The following ESRRG variants were observed in gnomAD, a reference collection of about 807,000 sequenced individuals.
The protein encoded by ESRRG is estrogen related receptor gamma.
In ESRRG, 13 loss-of-function variants were observed where a neutral mutation model predicts 44.0. That is an observed-to-expected ratio of 0.30 (90% CI 0.19 to 0.47). The LOEUF is 0.47. ESRRG is among the 20% of genes least tolerant of loss of function. ESRRG has a pLI of 1.00. For synonymous variants in ESRRG, 215 were observed against 214.6 expected (o/e 1.00, Z -0.02); for missense variants, 395 against 580.6 (o/e 0.68, Z 3.29).
intron 1 of ESRRG, among the ~76,000 whole-genome samples, chr1:217,122,017 C>G (rs897560906): frequency 6.6e-6 from 1 of 152,156 alleles, no homozygotes; most frequent in African/African-American, 2.4e-5. Flanking sequence ...GTTAGGTTAA[C>G]TATGCAAATG....
chr1:216,734,562 T>A (rs935299753), intron 2 of ESRRG, among the ~76,000 whole-genome samples: 5 of 152,178 alleles, frequency 3.3e-5, no homozygotes, highest in Admixed American at 1.3e-4. Flanking sequence ...CCGCCATGAT[T>A]ATAAGCTTCC....
At chr1:216,736,833 C>G (rs749990127) in intron 2 of ESRRG, among the ~76,000 whole-genome samples, 2 of 152,110 alleles carry the variant, frequency 1.3e-5, no homozygotes, top group Non-Finnish European at 2.9e-5. Flanking sequence ...TTAACAAGCT[C>G]TCCAGGTCAT....
intron 5 of ESRRG, among the ~76,000 whole-genome samples, chr1:216,526,430 A>G (rs1323257276): frequency 1.3e-5 from 2 of 152,064 alleles, no homozygotes; most frequent in Non-Finnish European, 2.9e-5. Flanking sequence ...GGAGAATACT[A>G]CCTACAAGCC....
intron 1 of ESRRG, among the ~76,000 whole-genome samples, chr1:217,051,958 A>G (rs2086133565): frequency 6.6e-6 from 1 of 151,396 alleles, no homozygotes; most frequent in South Asian, 2.1e-4. Context: ...TATTTTAGAG[A>G]CAGGGTCTTG....
At chr1:216,738,556 G>A (rs1273292046) in intron 2 of ESRRG, among the ~76,000 whole-genome samples, 1 of 152,044 alleles carries the variant, frequency 6.6e-6, no homozygotes, top group Non-Finnish European at 1.5e-5. Flanking sequence ...ATATTCTTAT[G>A]TATTGTTTAG....
At chr1:216,701,253 T>C (rs1312786263) in intron 1 of ESRRG, among the ~76,000 whole-genome samples, 1 of 152,170 alleles carries the variant, frequency 6.6e-6, no homozygotes, top group Non-Finnish European at 1.5e-5. Context: ...TCTCTGGCTT[T>C]CAAACTCATA....
At chr1:216,954,886 G>A (rs953329097) in intron 1 of ESRRG, among the ~76,000 whole-genome samples, 1 of 152,080 alleles carries the variant, frequency 6.6e-6, no homozygotes, top group Non-Finnish European at 1.5e-5. Flanking sequence ...ACAGCATATG[G>A]AGTTGGGTTT....
At chr1:216,644,104 C>G (rs1012860621) in intron 3 of ESRRG, among the ~76,000 whole-genome samples, 1 of 152,152 alleles carries the variant, frequency 6.6e-6, no homozygotes, top group Non-Finnish European at 1.5e-5. Flanking sequence ...ACTCTCTGAC[C>G]TTGGGTTCCT....
intron 1 of ESRRG, among the ~76,000 whole-genome samples, chr1:217,076,484 C>G (rs1251507868): frequency 6.6e-6 from 1 of 152,180 alleles, no homozygotes; most frequent in Non-Finnish European, 1.5e-5. Flanking sequence ...GAAACCACCT[C>G]TACCAGAGAA....
intron 2 of ESRRG, among the ~76,000 whole-genome samples, chr1:216,790,834 T>C (rs1182028025): frequency 6.6e-6 from 1 of 152,120 alleles, no homozygotes; most frequent in Non-Finnish European, 1.5e-5. Flanking sequence ...GAGACATTGT[T>C]GTATAGAGGT....
At chr1:216,883,317 G>A (rs530545580) in intron 2 of ESRRG, among the ~76,000 whole-genome samples, 71 of 150,256 alleles carry the variant, frequency 4.7e-4, no homozygotes, top group Non-Finnish European at 8.1e-4. Context: ...CCTGGGAGGC[G>A]GAGGTTGCAG....
chr1:216,592,581 A>G lies in ESRRG; in HGVS notation c.590-24483T>C, dbSNP rs113552090. On this transcript the variant is annotated intron_variant, in intron 3 of 6. Coordinates refer to ENST00000408911, the MANE Select transcript of ESRRG (RefSeq NM_001438.4). ...AGTGGTACGATCTTGGCTCACTGCA[A>G]CCTCCACCTCCCAGGTTCAAGCGAT... 5.4e-3 allele frequency among the ~76,000 whole-genome samples: 824 copies of G among 151,798 alleles called. 6 individuals are homozygous for G. The highest frequency in any genetic ancestry group is 0.019 in the African/African-American group (784 of 41,366).
At chr1:217,090,989 T>G (rs1406006553), upstream of ESRRG, among the ~76,000 whole-genome samples, 1 of 152,196 alleles carries the variant, frequency 6.6e-6, no homozygotes, top group East Asian at 1.9e-4. Context: ...ATTACTTCTT[T>G]TTCTAATATT....
At chr1:217,039,156 A>T (rs1344652493) in intron 1 of ESRRG, among the ~76,000 whole-genome samples, 1 of 152,098 alleles carries the variant, frequency 6.6e-6, no homozygotes, top group Non-Finnish European at 1.5e-5. Flanking sequence ...TTTTGTCAAA[A>T]CCATTCAACA....
chr1:216,793,202 G>A (rs1188222714), intron 2 of ESRRG, among the ~76,000 whole-genome samples: 2 of 152,154 alleles, frequency 1.3e-5, no homozygotes, highest in African/African-American at 4.8e-5. Flanking sequence ...GAGCAGGTCA[G>A]TATTTGGATG....
At position 216,809,873 on chromosome 1, in the gene ESRRG, G is replaced by A. The variant is rs185229437; in HGVS notation, c.-14+129709C>T. Among the ~76,000 whole-genome samples, 22 of 152,218 alleles carry A rather than the reference G, an allele frequency of 1.4e-4. No homozygotes were observed. The East Asian group carries it at 3.1e-3, about 21-fold the overall frequency. On this transcript the variant is annotated intron_variant, in intron 2 of 7. Transcript: ENST00000359162. ...GAAATGGCAGTCAGGCACTTGGCTCGCCTCTACCACCTTGCACAGAGCTAA... is the reference window on the plus strand; with the variant it reads ...GAAATGGCAGTCAGGCACTTGGCTCACCTCTACCACCTTGCACAGAGCTAA...
intron 1 of ESRRG, chr1:216,939,762 T>C (rs193068984): frequency 6.6e-6 from 1 of 152,036 alleles, no homozygotes; most frequent in African/African-American, 2.4e-5. Flanking sequence ...GCCGCTGCAT[T>C]TAATAAAATC....
upstream of ESRRG, among the ~76,000 whole-genome samples, chr1:217,091,141 A>G (rs1391007200): frequency 6.6e-6 from 1 of 152,234 alleles, no homozygotes; most frequent in Non-Finnish European, 1.5e-5. Flanking sequence ...TGCTTTATCA[A>G]TAATTATCCA....
intron 1 of ESRRG, among the ~76,000 whole-genome samples, chr1:216,981,340 G>C (rs2073934544): frequency 6.6e-6 from 1 of 152,122 alleles, no homozygotes; most frequent in Non-Finnish European, 1.5e-5. Context: ...AAGAGTACCG[G>C]CTTTGGAGTC....
Sources: gnomAD v4.1 joint callset for allele counts (sites outside exome capture counted in the v4.1 genomes callset) on GRCh38, gnomAD v4.1.1 for gene constraint, MANE v1.5 for transcripts, NCBI Gene and HGNC (gene_info 2026-07-23, HGNC 2026-07-21) for gene names.